The following PDE6A variants were observed in gnomAD, a reference collection of about 807,000 sequenced individuals.
PDE6A encodes the protein rod cGMP-specific 3',5'-cyclic phosphodiesterase subunit alpha.
Under a neutral mutation model 106.3 loss-of-function variants are expected in PDE6A, and 84 were observed. The observed-to-expected ratio is 0.79, with a 90% CI of 0.66 to 0.95. The LOEUF (loss-of-function observed/expected upper bound fraction) is 0.95. Among genes scored for constraint, PDE6A ranks in the 40% least tolerant of loss-of-function variants. The pLI, the probability that PDE6A is intolerant of heterozygous loss-of-function variation, is 0.00. For synonymous variants in PDE6A, 394 were observed against 386.6 expected, an observed-to-expected ratio of 1.02 and a Z score of -0.23; for missense variants, 1,052 against 1,084.9, an observed-to-expected ratio of 0.97 and a Z score of 0.43.
chr5:149,871,305 G>A (rs2113518634), intron 17 of PDE6A, among the ~76,000 whole-genome samples: 1 of 152,318 alleles, frequency 6.6e-6, no homozygotes, highest in South Asian at 2.1e-4. Flanking sequence ...TCTTGCAGAT[G>A]TGCTGGGGAA....
chr5:149,906,535 A>AAAAAAAAAAAAAAAAAAAAAAAAAAAAAC (rs1294272201), intron 7 of PDE6A, among the ~76,000 whole-genome samples: 1 of 149,458 alleles, frequency 6.7e-6, no homozygotes, highest in Non-Finnish European at 1.5e-5. Context: ...AAAAAAAAAA[A>AAAAAAAAAAAAAAAAAAAAAAAAAAAAAC]AAATCCCACC....
chr5:149,914,838 ATT>A, intron 6 of PDE6A, 103 bp downstream of exon 6: 1 of 808,690 alleles, frequency 1.2e-6, no homozygotes, highest in Non-Finnish European at 2.2e-6. Context: ...ACACTTATGT[ATT>A]TTATGGAATG....
chr5:149,922,048 G>A (rs1291982776), intron 4 of PDE6A, among the ~76,000 whole-genome samples: 1 of 152,068 alleles, frequency 6.6e-6, no homozygotes, highest in East Asian at 1.9e-4. Context: ...CAAAGATTTA[G>A]CTAAAACAAT....
chr5:149,859,546 C>G lies in PDE6A; in HGVS notation c.*1349G>C. The G allele has an allele frequency of 6.6e-6, 1 of 152,400 alleles. No homozygotes were observed. Among genetic ancestry groups the G allele is most frequent in the Non-Finnish European group, 1.5e-5 (1 of 68,102 alleles). 9.4% of individuals were successfully genotyped at this position (152,400 alleles called of 1,614,324 possible). On this transcript the variant is annotated 3_prime_UTR_variant, in exon 22 of 22. Coordinates refer to ENST00000255266, the MANE Select transcript of PDE6A (RefSeq NM_000440.3). Reference sequence around the variant, plus strand: ...TGAGCCCAGCGACAGCCTTAGTGGACCCCACGAGGAGTCGTGGAGCTGGAA... The same window carrying G: ...TGAGCCCAGCGACAGCCTTAGTGGAGCCCACGAGGAGTCGTGGAGCTGGAA...
At chr5:149,861,621 G>A (rs1289972383) in intron 21 of PDE6A, among the ~76,000 whole-genome samples, 1 of 152,150 alleles carries the variant, frequency 6.6e-6, no homozygotes, top group African/African-American at 2.4e-5. Flanking sequence ...CTGCGCTCCA[G>A]CCTGGGCAAC....
intron 17 of PDE6A, among the ~76,000 whole-genome samples, chr5:149,882,061 AATAAATAAAT>A (rs1760948491): frequency 1.3e-5 from 1 of 79,256 alleles, no homozygotes; most frequent in Non-Finnish European, 3.5e-5. Context: ...AAAATAAATA[AATAAATAAAT>A]AAATAAATAA....
intron 17 of PDE6A, 24 bp downstream of exon 17, chr5:149,883,405 G>T: frequency 6.7e-7 from 1 of 1,491,680 alleles, no homozygotes; most frequent in Non-Finnish European, 9.4e-7. Flanking sequence ...AAGAGGATCA[G>T]GTTTTAACCC....
At chr5:149,861,564 C>G (rs1022611993) in intron 21 of PDE6A, among the ~76,000 whole-genome samples, 1 of 152,072 alleles carries the variant, frequency 6.6e-6, no homozygotes, top group East Asian at 1.9e-4. Context: ...GTGGGAGGAT[C>G]GCTTGAGGCC....
In PDE6A at chr5:149,872,692, C is replaced by T. The variant is rs556949069; in HGVS notation, c.2136-4534G>A. ...TGGAGGGTACAGCAGGAGACCCTGC[C>T]GGGGAAGGCCTTGGAGGAGCCTAAG... On this transcript the variant is annotated intron_variant, in intron 17 of 21. Coordinates refer to ENST00000255266, the MANE Select transcript of PDE6A (RefSeq NM_000440.3). 3.3e-5 allele frequency among the ~76,000 whole-genome samples: 5 copies of T among 152,254 alleles called. No homozygotes were observed. The South Asian group carries it at 6.2e-4, about 19-fold the overall frequency.
At chr5:149,934,174 T>C (rs1374498279) in intron 2 of PDE6A, among the ~76,000 whole-genome samples, 155 bp from the exon 3 acceptor site, 1 of 152,266 alleles carries the variant, frequency 6.6e-6, no homozygotes, top group Non-Finnish European at 1.5e-5. Context: ...AGATGTTGCA[T>C]GAGCATAAAA....
rs1405145127 is a variant in PDE6A, at chr5:149,944,200, C to A, written c.474G>T (p.Glu158Asp). ...KKIANVPNTE[E>D]DEHFCDFVDI... The stretch of plus-strand genomic sequence containing the variant: ...CTCTCTCTCATGGGGAAGAGAGTAC[C>A]TCCTCTGTGTTGGGGACGTTAGCAA... Residue 158 changes from glutamate (E) to aspartate (D), a missense_variant and splice_region_variant, in exon 1 of 22, where the codon GAG becomes GAT. Around this residue, in one of 3 missense-constraint regions of PDE6A, gnomAD observed 913 missense variants for 915.2 expected, o/e 1.00. Transcript: ENST00000255266. The A allele has an allele frequency of 6.2e-7, 1 of 1,609,738 alleles. No homozygotes were observed. Among genetic ancestry groups the A allele is most frequent in the East Asian group, 2.2e-5 (1 of 44,826 alleles).
In PDE6A at chr5:149,876,913, T is replaced by TGATAGATAGATAGATAGATA. The variant is rs201047279; in HGVS notation, c.2135+6496_2135+6515dup. On this transcript the variant is annotated intron_variant, in intron 17 of 21. Transcript: ENST00000255266. ...ACAGATGATGATAGATGATGAGAGATGATAGATAGATAGATAGATACATAG... is the reference window on the plus strand; with the variant it reads ...ACAGATGATGATAGATGATGAGAGATGATAGATAGATAGATAGATAGATAGATAGATAGATAGATACATAG... 1.2e-3 allele frequency among the ~76,000 whole-genome samples: 176 copies of TGATAGATAGATAGATAGATA among 151,318 alleles called. 1 individual carries two copies. The highest frequency in any genetic ancestry group is 3.9e-3 in the African/African-American group (161 of 41,030).
chr5:149,899,092 C>T (rs1185624543), intron 9 of PDE6A, among the ~76,000 whole-genome samples: 1 of 152,122 alleles, frequency 6.6e-6, no homozygotes, highest in Non-Finnish European at 1.5e-5. Flanking sequence ...GTCTTGAGTT[C>T]CTGGGCTCAA....
intron 3 of PDE6A, chr5:149,932,147 T>A: frequency 3.2e-6 from 4 of 1,235,212 alleles, no homozygotes; most frequent in Non-Finnish European, 4.8e-6. Flanking sequence ...TTATCTGTCG[T>A]CTTAGTGAAG....
At chr5:149,861,078 G>A in intron 21 of PDE6A, 107 bp from the exon 22 acceptor site, 1 of 915,636 alleles carries the variant, frequency 1.1e-6, no homozygotes, top group Non-Finnish European at 1.8e-6. Context: ...GCTTTCAGTG[G>A]CCAACAGATA....
chr5:149,903,699 A>G lies in PDE6A; in HGVS notation c.1066-4T>C, dbSNP rs1380141239. On this transcript the variant is annotated splice_polypyrimidine_tract_variant and splice_region_variant and intron_variant, in intron 7 of 21. Coordinates refer to ENST00000255266, the MANE Select transcript of PDE6A (RefSeq NM_000440.3). ...GCGCATTCATGATGTTGCAAATCTG[A>G]GAGCAGTGAAGGGGAATAATGAAGG... 10 of 1,613,066 alleles carry G rather than the reference A, an allele frequency of 6.2e-6. No homozygotes were observed. Among genetic ancestry groups the G allele is most frequent in the Non-Finnish European group, 8.5e-6 (10 of 1,179,026 alleles).
At position 149,886,453 on chromosome 5, in the gene PDE6A, G is replaced by A. The variant is rs921009517; in HGVS notation, c.1729-79C>T. 4 of 1,041,314 alleles carry A rather than the reference G, an allele frequency of 3.8e-6. No homozygotes were observed. In the African/African-American group the frequency reaches 6.3e-5, roughly 16 times the overall value. The allele number at this position is 1,041,314 out of a possible 1,614,324, so 64.5% of individuals were successfully genotyped here. A position where few individuals can be genotyped will look rare whatever the true frequency, so the allele number is the denominator to read the frequency against. On this transcript the variant is annotated intron_variant, in intron 13 of 21. Coordinates refer to ENST00000255266, the MANE Select transcript of PDE6A (RefSeq NM_000440.3). ...GGGCTGAAAAGGCGGGTGTAAGGAG[G>A]AGGGCCCAGAACTAAAAAACTCATG...
At chr5:149,923,038 A>G (rs1753765641) in intron 4 of PDE6A, among the ~76,000 whole-genome samples, 1 of 152,252 alleles carries the variant, frequency 6.6e-6, no homozygotes, top group Admixed American at 6.5e-5. Context: ...CAAATGCCCT[A>G]TTGTAACTAA....
At chr5:149,906,165 T>C (rs1753169461) in intron 7 of PDE6A, among the ~76,000 whole-genome samples, 1 of 152,008 alleles carries the variant, frequency 6.6e-6, no homozygotes, top group African/African-American at 2.4e-5. Context: ...GCCAGAGTTA[T>C]CTTTCTAAAA....
Sources: allele counts gnomAD v4.1 joint callset (sites outside exome capture counted in the v4.1 genomes callset), GRCh38; gene constraint gnomAD v4.1.1; regional missense constraint gnomAD v4.1.1; transcripts MANE v1.5; gene names NCBI Gene and HGNC (gene_info 2026-07-23, HGNC 2026-07-21).